Variants in PIWIL1 observed in about 807,000 individuals in gnomAD.
PIWIL1 encodes piwi-like protein 1.
PIWIL1 carries 73 observed loss-of-function variants against 114.4 expected under a neutral mutation model. That is an observed-to-expected ratio of 0.64 (90% CI 0.53 to 0.78). The LOEUF (loss-of-function observed/expected upper bound fraction) is 0.78. PIWIL1 is among the 30% of genes least tolerant of loss of function. The probability of loss-of-function intolerance (pLI) is 0.00; values close to 1 mark genes in which losing one functional copy is unlikely to be tolerated. For missense variants in PIWIL1, 723 were observed against 1,063.1 expected, an observed-to-expected ratio of 0.68 and a Z score of 4.45; for synonymous variants, 375 against 369.0, an observed-to-expected ratio of 1.02 and a Z score of -0.19.
intron 14 of PIWIL1, among the ~76,000 whole-genome samples, chr12:130,360,563 G>A (rs2073482386): frequency 1.3e-5 from 2 of 152,072 alleles, no homozygotes; most frequent in South Asian, 2.1e-4. Flanking sequence ...AACCTGGGAG[G>A]CGGAGGTTGC....
At chr12:130,418,982 G>A in the PIWIL1 span, among the ~76,000 whole-genome samples, 5 of 152,178 alleles carry the variant, frequency 3.3e-5, no homozygotes, top group Non-Finnish European at 7.4e-5. Flanking sequence ...AGACAGGTGT[G>A]GGGTAGAGGT....
the PIWIL1 span, among the ~76,000 whole-genome samples, chr12:130,422,041 C>G: frequency 9.2e-5 from 14 of 152,200 alleles, no homozygotes; most frequent in Non-Finnish European, 1.5e-4. This position sits in a 1 kb window ranked among gnomAD's most constrained non-coding sequence, Gnocchi z 5.2. Flanking sequence ...GCCAGCGTGT[C>G]TTCTGCAGAC....
intron 11 of PIWIL1, 46 bp downstream of exon 11, chr12:130,355,051 G>A: frequency 8.5e-7 from 1 of 1,178,264 alleles, no homozygotes; most frequent in Non-Finnish European, 1.3e-6. Context: ...TTTGTGTTTA[G>A]TATTTTATGT....
At chr12:130,344,990 A>G (rs1259029516) in intron 3 of PIWIL1, among the ~76,000 whole-genome samples, 1 of 152,242 alleles carries the variant, frequency 6.6e-6, no homozygotes, top group African/African-American at 2.4e-5. Flanking sequence ...TACACAAGAT[A>G]ACATGCCTAT....
In PIWIL1 at chr12:130,349,230, G is replaced by A. The variant is rs374302739; in HGVS notation, c.735-9G>A. ...AGAGGTTCTTCATGACCCCCATCTC[G>A]TCTGACAGGTTGGTGATTTGGCCTG... On this transcript the variant is annotated splice_polypyrimidine_tract_variant and intron_variant, in intron 7 of 20. Transcript: ENST00000245255. 61 of 1,609,242 alleles carry A rather than the reference G, an allele frequency of 3.8e-5. No homozygotes were observed. Among genetic ancestry groups the A allele is most frequent in the Non-Finnish European group, 4.9e-5 (58 of 1,175,896 alleles).
chr12:130,380,335 C>A, the PIWIL1 span, among the ~76,000 whole-genome samples: 3 of 152,322 alleles, frequency 2.0e-5, no homozygotes, highest in Non-Finnish European at 2.9e-5. Context: ...CCTCTCCCCC[C>A]ACCCCCCAAC....
downstream of PIWIL1, among the ~76,000 whole-genome samples, chr12:130,375,528 G>A (rs567982416): frequency 5.8e-4 from 88 of 152,316 alleles, no homozygotes; most frequent in South Asian, 0.017. Context: ...GTGGCGGCAC[G>A]CACGGTCTGT....
At chr12:130,359,388 C>T (rs1416700855) in intron 14 of PIWIL1, among the ~76,000 whole-genome samples, 2 of 152,108 alleles carry the variant, frequency 1.3e-5, no homozygotes, top group African/African-American at 2.4e-5. Flanking sequence ...AAAGCACAGC[C>T]GAGCCAAAGA....
intron 18 of PIWIL1, 71 bp downstream of exon 18, chr12:130,363,215 C>G: frequency 6.9e-7 from 1 of 1,456,408 alleles, no homozygotes; most frequent in South Asian, 1.2e-5. Flanking sequence ...ATTAGCATCA[C>G]AAGATGAAAG....
chr12:130,398,425 A>G, the PIWIL1 span: 1 of 152,674 alleles, frequency 6.5e-6, no homozygotes, highest in African/African-American at 2.4e-5. Flanking sequence ...TCTAATGGAA[A>G]ACACCTAGTA....
chr12:130,424,178 G>A, the PIWIL1 span: 99 of 1,232,208 alleles, frequency 8.0e-5, no homozygotes, highest in Admixed American at 1.3e-3. This position sits in a 1 kb window ranked among gnomAD's most constrained non-coding sequence, Gnocchi z 9.8. Flanking sequence ...GTGGCTTTGC[G>A]TGGGGGGCAG....
intron 9 of PIWIL1, 63 bp from the exon 10 acceptor site, chr12:130,354,474 T>C (rs773702953): frequency 2.2e-5 from 35 of 1,602,420 alleles, no homozygotes; most frequent in Non-Finnish European, 2.8e-5. Context: ...AAACCCTTTT[T>C]GCCCACTGAG....
chr12:130,345,655 A>G, intron 3 of PIWIL1, 98 bp from the exon 4 acceptor site: 1 of 1,284,196 alleles, frequency 7.8e-7, no homozygotes. Flanking sequence ...TCTACACCTC[A>G]GTATCCTTTG....
intron 1 of PIWIL1, chr12:130,342,121 G>T (rs151094171): frequency 9.9e-5 from 16 of 161,716 alleles, no homozygotes; most frequent in African/African-American, 3.8e-4. Flanking sequence ...TTTCTAAGGG[G>T]CCTGGCGGGA....
At chr12:130,385,496 A>G in the PIWIL1 span, among the ~76,000 whole-genome samples, 10 of 152,284 alleles carry the variant, frequency 6.6e-5, no homozygotes, top group South Asian at 1.2e-3. Flanking sequence ...CCACTCAAAT[A>G]TATTTTTAAC....
intron 12 of PIWIL1, among the ~76,000 whole-genome samples, chr12:130,356,473 T>G (rs2073368477): frequency 6.6e-6 from 1 of 152,096 alleles, no homozygotes; most frequent in Non-Finnish European, 1.5e-5. Flanking sequence ...ACTCGGGTGC[T>G]GTGCCTCGCG....
chr12:130,345,508 C>G, intron 3 of PIWIL1: 1 of 391,666 alleles, frequency 2.6e-6, no homozygotes, highest in East Asian at 4.6e-5. Flanking sequence ...AGGTGCACAT[C>G]TCTTGAAAGG....
the PIWIL1 span, chr12:130,399,553 GAAA>G: frequency 8.9e-7 from 1 of 1,120,046 alleles, no homozygotes; most frequent in South Asian, 1.7e-5. Context: ...TCAGGGCAGA[GAAA>G]AAAAATTCAG....
chr12:130,375,486 C>G (rs1272173701), downstream of PIWIL1, among the ~76,000 whole-genome samples: 1 of 152,224 alleles, frequency 6.6e-6, no homozygotes, highest in Non-Finnish European at 1.5e-5. Flanking sequence ...CAAGCTCCCA[C>G]CTGAACCGCG....
Sources: gnomAD v4.1 joint callset for allele counts (sites outside exome capture counted in the v4.1 genomes callset) on GRCh38, gnomAD v4.1.1 for gene constraint, Gnocchi (gnomAD v3.1) non-coding constraint, MANE v1.5 for transcripts, NCBI Gene and HGNC (gene_info 2026-07-23, HGNC 2026-07-21) for gene names.